Variants in TACR1 observed in about 807,000 individuals in gnomAD.
TACR1 encodes the protein substance-P receptor.
TACR1 carries 25 observed loss-of-function variants against 35.8 expected under a neutral mutation model. That is an observed-to-expected ratio of 0.70 (90% CI 0.51 to 0.98). TACR1 has a LOEUF of 0.98. Ranked by LOEUF, TACR1 falls within the 50% of genes least tolerant of loss-of-function variation. TACR1 has a pLI of 0.00. For synonymous variants in TACR1, 195 were observed against 206.7 expected, an observed-to-expected ratio of 0.94 and a Z score of 0.48; for missense variants, 478 against 522.9, an observed-to-expected ratio of 0.91 and a Z score of 0.84.
At chr2:75,056,977 A>T (rs542350662) in intron 2 of TACR1, among the ~76,000 whole-genome samples, 25 of 152,336 alleles carry the variant, frequency 1.6e-4, no homozygotes, top group African/African-American at 5.5e-4. Context: ...TGCACACAAC[A>T]TCATTCACGA....
At chr2:75,126,663 G>T (rs1233061471) in intron 1 of TACR1, among the ~76,000 whole-genome samples, 1 of 152,194 alleles carries the variant, frequency 6.6e-6, no homozygotes, top group African/African-American at 2.4e-5. Context: ...AAACTTAAGA[G>T]CTTCTGCACA....
At chr2:75,145,149 T>G (rs774440184) in intron 1 of TACR1, among the ~76,000 whole-genome samples, 3 of 152,112 alleles carry the variant, frequency 2.0e-5, no homozygotes, top group Non-Finnish European at 1.5e-5. Flanking sequence ...GAGAAAAAAT[T>G]TATAATCATT....
chr2:75,189,026 A>G (rs568549067), intron 1 of TACR1: 2 of 152,232 alleles, frequency 1.3e-5, no homozygotes, highest in Admixed American at 1.3e-4. Context: ...CATTTTTTTC[A>G]TGTCAATAAA....
chr2:75,081,062 G>A (rs910815121), intron 2 of TACR1, among the ~76,000 whole-genome samples: 1 of 152,100 alleles, frequency 6.6e-6, no homozygotes, highest in East Asian at 1.9e-4. Context: ...CAGACTGCTC[G>A]AGAGAAAAAT....
intron 1 of TACR1, 104 bp downstream of exon 1, chr2:75,198,442 G>T: frequency 1.5e-6 from 2 of 1,353,278 alleles, no homozygotes. Context: ...CCTCAGAGTG[G>T]CCAATCTTCC....
rs1675089515 is a variant in TACR1, at chr2:75,164,406, A to G, written c.389+34140T>C. On this transcript the variant is annotated intron_variant, in intron 1 of 4. Transcript: ENST00000305249. ...AAATAATAGAAAAATAATTATGACTAAATGAATTATCTTGTAAGAATTAAA... is the reference window on the plus strand; with the variant it reads ...AAATAATAGAAAAATAATTATGACTGAATGAATTATCTTGTAAGAATTAAA... Among the ~76,000 whole-genome samples, 6 of 152,114 alleles carry G rather than the reference A, an allele frequency of 3.9e-5. No homozygotes were observed. The South Asian group carries it at 1.2e-3, about 31-fold the overall frequency.
At chr2:75,114,218 A>G (rs1673807784) in intron 2 of TACR1, among the ~76,000 whole-genome samples, 1 of 152,242 alleles carries the variant, frequency 6.6e-6, no homozygotes, top group South Asian at 2.1e-4. Context: ...GGTAATATTT[A>G]GAATTCAGAA....
At chr2:75,083,274 C>T (rs182304694) in intron 2 of TACR1, among the ~76,000 whole-genome samples, 111 of 152,238 alleles carry the variant, frequency 7.3e-4, no homozygotes, top group Non-Finnish European at 1.2e-3. Flanking sequence ...TGTTCTGTTC[C>T]ATTGATCTAT....
chr2:75,148,510 A>G (rs916910094), intron 1 of TACR1, among the ~76,000 whole-genome samples: 1 of 152,236 alleles, frequency 6.6e-6, no homozygotes, highest in Non-Finnish European at 1.5e-5. Flanking sequence ...TTGACTGCAT[A>G]AATGTCCTCT....
intron 2 of TACR1, among the ~76,000 whole-genome samples, chr2:75,089,287 C>G (rs1000215289): frequency 2.0e-5 from 3 of 152,180 alleles, no homozygotes; most frequent in Non-Finnish European, 4.4e-5. Context: ...CAAAGATATA[C>G]CAAGAAGAAT....
intron 1 of TACR1, among the ~76,000 whole-genome samples, chr2:75,193,477 C>A (rs979244961): frequency 5.9e-5 from 9 of 152,190 alleles, no homozygotes; most frequent in Non-Finnish European, 2.9e-5. Context: ...GTTATATTTT[C>A]ATGTCAAATT....
chr2:75,069,461 C>T (rs767229046), intron 2 of TACR1, among the ~76,000 whole-genome samples: 2 of 152,040 alleles, frequency 1.3e-5, no homozygotes, highest in African/African-American at 4.8e-5. Flanking sequence ...AGCCAGTGCC[C>T]CCTTTTACTA....
chr2:75,190,308 G>C (rs1572992328), intron 1 of TACR1, among the ~76,000 whole-genome samples: 1 of 152,144 alleles, frequency 6.6e-6, no homozygotes, highest in Non-Finnish European at 1.5e-5. Flanking sequence ...AAAACATTTG[G>C]GTTTTCTGGA....
intron 1 of TACR1, among the ~76,000 whole-genome samples, chr2:75,181,939 G>A (rs372711272): frequency 1.3e-5 from 2 of 152,128 alleles, no homozygotes; most frequent in Non-Finnish European, 2.9e-5. Flanking sequence ...TTTATCAAGC[G>A]CTCAAAGAAC....
chr2:75,181,566 A>C (rs959020703), intron 1 of TACR1, among the ~76,000 whole-genome samples: 1 of 152,206 alleles, frequency 6.6e-6, no homozygotes, highest in Non-Finnish European at 1.5e-5. Context: ...GTATGAAATA[A>C]ACGATGAATT....
At chr2:75,134,867 A>T (rs1270271030) in intron 1 of TACR1, among the ~76,000 whole-genome samples, 2 of 152,196 alleles carry the variant, frequency 1.3e-5, no homozygotes, top group Non-Finnish European at 2.9e-5. Flanking sequence ...TGACTCTCAG[A>T]TGTTGATGAA....
intron 1 of TACR1, among the ~76,000 whole-genome samples, chr2:75,155,484 C>T (rs1674823057): frequency 6.6e-6 from 1 of 150,478 alleles, no homozygotes; most frequent in East Asian, 2.0e-4. Context: ...CACAACTGCC[C>T]CATTCAACCC....
chr2:75,154,510 A>G (rs1051816162), intron 1 of TACR1: 6 of 143,030 alleles, frequency 4.2e-5, no homozygotes, highest in Non-Finnish European at 7.6e-5. Flanking sequence ...ACACACACAC[A>G]CACACACACA....
intron 2 of TACR1, among the ~76,000 whole-genome samples, chr2:75,064,160 C>T (rs1184385390): frequency 4.0e-5 from 6 of 151,844 alleles, no homozygotes; most frequent in African/African-American, 7.3e-5. Flanking sequence ...AATGCTCTAA[C>T]GAGAGACATT....
Sources: allele counts gnomAD v4.1 joint callset (sites outside exome capture counted in the v4.1 genomes callset), GRCh38; gene constraint gnomAD v4.1.1; transcripts MANE v1.5; gene names NCBI Gene and HGNC (gene_info 2026-07-23, HGNC 2026-07-21).